The following CAMTA1 variants were observed in gnomAD, a reference collection of about 807,000 sequenced individuals.
The protein encoded by CAMTA1 is calmodulin binding transcription activator 1.
In CAMTA1, 27 loss-of-function variants were observed where a neutral mutation model predicts 170.9. The observed-to-expected ratio is 0.16, with a 90% CI of 0.12 to 0.22. The LOEUF (loss-of-function observed/expected upper bound fraction) is 0.22, where lower values mean the gene tolerates loss of function less well. Among genes scored for constraint, CAMTA1 ranks in the 10% least tolerant of loss-of-function variants. The pLI, the probability that CAMTA1 is intolerant of heterozygous loss-of-function variation, is 1.00. For synonymous variants in CAMTA1, 833 were observed against 891.5 expected (o/e 0.93, Z 1.17); for missense variants, 1,619 against 2,217.2 (o/e 0.73, Z 5.42).
At chr1:7,385,441 T>C (rs2087841316) in intron 5 of CAMTA1, among the ~76,000 whole-genome samples, 1 of 152,220 alleles carries the variant, frequency 6.6e-6, no homozygotes, top group African/African-American at 2.4e-5. Flanking sequence ...TCGGCCTTGC[T>C]GTTTGAATAG....
intron 5 of CAMTA1, among the ~76,000 whole-genome samples, chr1:7,395,960 T>C (rs2089272768): frequency 6.6e-6 from 1 of 152,178 alleles, no homozygotes; most frequent in Non-Finnish European, 1.5e-5. Context: ...ATGGGTCTTT[T>C]TTGGTGGAGT....
At chr1:7,537,389 C>A (rs1418987863) in intron 6 of CAMTA1, among the ~76,000 whole-genome samples, 1 of 152,234 alleles carries the variant, frequency 6.6e-6, no homozygotes, top group Non-Finnish European at 1.5e-5. Flanking sequence ...CCAGGTGCAG[C>A]CCCACCAGCT....
chr1:7,659,482 C>T (rs61440405), intron 7 of CAMTA1, among the ~76,000 whole-genome samples: 4 of 152,058 alleles, frequency 2.6e-5, no homozygotes, highest in African/African-American at 4.8e-5. Flanking sequence ...TGCAGTGAAC[C>T]GAGATCGTGC....
At chr1:7,276,301 A>ATTTTTT (rs1487709367) in intron 5 of CAMTA1, among the ~76,000 whole-genome samples, 2 of 20,460 alleles carry the variant, frequency 9.8e-5, no homozygotes, top group African/African-American at 1.1e-3. Context: ...ATATATATAT[A>ATTTTTT]TATTTTTTTT....
chr1:7,577,863 GC>G (rs1251274999), intron 6 of CAMTA1, among the ~76,000 whole-genome samples: 2 of 152,128 alleles, frequency 1.3e-5, no homozygotes, highest in African/African-American at 2.4e-5. Context: ...TAGATGGCGG[GC>G]CAGATTTGGG....
At chr1:7,276,929 A>G (rs575680290) in intron 5 of CAMTA1, among the ~76,000 whole-genome samples, 9 of 152,366 alleles carry the variant, frequency 5.9e-5, no homozygotes, top group Non-Finnish European at 1.0e-4. Context: ...GCAATGAACA[A>G]TTGGAAAACA....
intron 4 of CAMTA1, among the ~76,000 whole-genome samples, chr1:7,203,495 T>G (rs966749217): frequency 6.6e-6 from 1 of 151,576 alleles, no homozygotes; most frequent in Admixed American, 6.6e-5. Flanking sequence ...GGTAGTTTTT[T>G]TTTTTTTTTT....
chr1:7,738,168 A>G lies in CAMTA1; in HGVS notation c.3868A>G (p.Ser1290Gly), dbSNP rs1400906936. The part of the protein sequence containing the change: ...KQSVPETLSP[S>G]EGVRDFSREL... ...GTCTGTCCCCGAGACACTCAGCCCC[A>G]GTGAAGGAGTGAGGGACTTCAGCCG... The change falls in exon 16 of 23, where the codon AGT becomes GGT. Residue 1290 changes from serine (S) to glycine (G), a missense_variant. Transcript: ENST00000303635. This position sits in a 1 kb window ranked among gnomAD's most constrained non-coding sequence, Gnocchi z 4.9. 3 of 1,614,028 alleles carry G rather than the reference A, an allele frequency of 1.9e-6. No individual in the cohort carries two copies. The highest frequency in any genetic ancestry group is 3.3e-5 in the Admixed American group (2 of 60,022).
At chr1:7,422,271 A>G (rs2091612983) in intron 5 of CAMTA1, among the ~76,000 whole-genome samples, 1 of 151,998 alleles carries the variant, frequency 6.6e-6, no homozygotes, top group African/African-American at 2.4e-5. Context: ...GAAGGGAGAC[A>G]GTGAGTGATG....
At chr1:7,586,421 A>G (rs1178775234) in intron 6 of CAMTA1, among the ~76,000 whole-genome samples, 1 of 152,140 alleles carries the variant, frequency 6.6e-6, no homozygotes, top group Non-Finnish European at 1.5e-5. Context: ...GGCACTCTTC[A>G]GCCTCCAGCC....
intron 3 of CAMTA1, among the ~76,000 whole-genome samples, chr1:6,875,684 A>G (rs1055546788): frequency 6.6e-6 from 1 of 152,122 alleles, no homozygotes; most frequent in Non-Finnish European, 1.5e-5. Flanking sequence ...TCTGTCATAC[A>G]TGTGTCACTT....
chr1:7,099,753 C>T (rs1039099049), intron 4 of CAMTA1, among the ~76,000 whole-genome samples: 7 of 152,216 alleles, frequency 4.6e-5, no homozygotes, highest in South Asian at 2.1e-4. Context: ...AAGGACTGGT[C>T]GATGTGCTGC....
At chr1:7,285,549 T>C (rs1557441835) in intron 5 of CAMTA1, among the ~76,000 whole-genome samples, 1 of 152,196 alleles carries the variant, frequency 6.6e-6, no homozygotes, top group Non-Finnish European at 1.5e-5. Context: ...TCTGAACAGA[T>C]GCTCAAAAGC....
Position 7,443,631 on chromosome 1 carries a change from G to T in CAMTA1, c.439-24199G>T, listed in dbSNP as rs1490037531. On this transcript the variant is annotated intron_variant, in intron 5 of 22. Transcript: ENST00000303635. The surrounding 1 kb of genome is among the most constrained non-coding windows in gnomAD (Gnocchi z 4.1). ...AGGAGGCTCGCAAGCAGAGATGATT[G>T]CAGTGCCCTATAGTGCACCGTTGGG... 6.6e-6 allele frequency among the ~76,000 whole-genome samples: 1 copy of T among 152,126 alleles called. No individual in the cohort carries two copies. The highest frequency in any genetic ancestry group is 2.4e-5 in the African/African-American group (1 of 41,434).
At chr1:7,460,253 C>T (rs2093051395) in intron 5 of CAMTA1, among the ~76,000 whole-genome samples, 1 of 152,254 alleles carries the variant, frequency 6.6e-6, no homozygotes, top group Admixed American at 6.5e-5. Context: ...TTCCCTCTCA[C>T]CTTTTTTGGC....
At chr1:6,891,765 A>G (rs146385087) in intron 3 of CAMTA1, among the ~76,000 whole-genome samples, 42 of 152,368 alleles carry the variant, frequency 2.8e-4, no homozygotes, top group African/African-American at 1.0e-3. Context: ...ATACATAAAT[A>G]ATCTATGATT....
intron 11 of CAMTA1, among the ~76,000 whole-genome samples, chr1:7,695,731 G>A (rs759358409): frequency 3.3e-5 from 5 of 152,134 alleles, no homozygotes; most frequent in Non-Finnish European, 7.3e-5. Context: ...AGATCAGCAG[G>A]GGGTGGGGGC....
chr1:7,652,856 G>A (rs951339085), intron 7 of CAMTA1, among the ~76,000 whole-genome samples: 1 of 152,146 alleles, frequency 6.6e-6, no homozygotes, highest in African/African-American at 2.4e-5. Context: ...CCAGTGGAAA[G>A]AGCTTGAATC....
chr1:7,049,865 TGTG>T (rs1260834290), intron 3 of CAMTA1, among the ~76,000 whole-genome samples: 1 of 152,136 alleles, frequency 6.6e-6, no homozygotes, highest in African/African-American at 2.4e-5. Flanking sequence ...GACACTAGGA[TGTG>T]GTGGTTAAAG....
Sources: gnomAD v4.1 joint callset for allele counts (sites outside exome capture counted in the v4.1 genomes callset) on GRCh38, gnomAD v4.1.1 for gene constraint, Gnocchi (gnomAD v3.1) non-coding constraint, MANE v1.5 for transcripts, NCBI Gene and HGNC (gene_info 2026-07-23, HGNC 2026-07-21) for gene names.